The following DENND1A variants were observed in gnomAD, a reference collection of about 807,000 sequenced individuals.
DENND1A encodes DENN domain-containing protein 1A.
DENND1A carries 51 observed loss-of-function variants against 113.7 expected under a neutral mutation model. The ratio of observed to expected loss-of-function variants is 0.45; its 90% CI spans 0.36 to 0.57. The LOEUF (loss-of-function observed/expected upper bound fraction) is 0.57, where lower values mean the gene tolerates loss of function less well. Among genes scored for constraint, DENND1A ranks in the 20% least tolerant of loss-of-function variants. The pLI, the probability that DENND1A is intolerant of heterozygous loss-of-function variation, is 0.00. For synonymous variants in DENND1A, 565 were observed against 570.8 expected (o/e 0.99, Z 0.14); for missense variants, 1,258 against 1,395.9 (o/e 0.90, Z 1.57).
rs555235859 is a variant in DENND1A at position 123,447,683 on chromosome 9, G to A, written c.1356+3010C>T. On this transcript the variant is annotated intron_variant, in intron 18 of 23. Coordinates refer to ENST00000394215, the MANE Select transcript of DENND1A (RefSeq NM_001352964.2). ...TTGGATCTTTGTTGGAAACTGCCTCGATTTCATGGCAGAAACCAAACTTGA... is the reference window on the plus strand; with the variant it reads ...TTGGATCTTTGTTGGAAACTGCCTCAATTTCATGGCAGAAACCAAACTTGA... Among the ~76,000 whole-genome samples the A allele has an allele frequency of 9.2e-5, 14 of 151,910 alleles. No homozygotes were observed. The East Asian group carries it at 2.7e-3, about 29-fold the overall frequency.
intron 10 of DENND1A, among the ~76,000 whole-genome samples, chr9:123,615,694 T>C (rs2060619233): frequency 6.6e-6 from 1 of 152,210 alleles, no homozygotes; most frequent in Admixed American, 6.5e-5. Context: ...TAGGGGCTTT[T>C]GTCCGGGTTA....
chr9:123,844,126 A>G (rs1170633726), intron 2 of DENND1A, among the ~76,000 whole-genome samples: 1 of 152,206 alleles, frequency 6.6e-6, no homozygotes, highest in Non-Finnish European at 1.5e-5. Context: ...AATTATGCCA[A>G]AAGACTAAAT....
At chr9:123,828,638 C>A (rs1839735984) in intron 2 of DENND1A, among the ~76,000 whole-genome samples, 3 of 130,966 alleles carry the variant, frequency 2.3e-5, no homozygotes. Flanking sequence ...TTAAAAGTAG[C>A]CAAAAAAAAA....
chr9:123,547,721 T>C (rs762877776), intron 13 of DENND1A, among the ~76,000 whole-genome samples: 14 of 152,212 alleles, frequency 9.2e-5, no homozygotes, highest in Non-Finnish European at 1.8e-4. Context: ...ATAAAAGCCA[T>C]ACTTTCACAA....
At chr9:123,927,992 TTC>T (rs1304074133) in intron 1 of DENND1A, among the ~76,000 whole-genome samples, 1 of 152,272 alleles carries the variant, frequency 6.6e-6, no homozygotes, top group Non-Finnish European at 1.5e-5. Context: ...TCTCTTCATA[TTC>T]TCTTTCGGTT....
At chr9:123,669,013 AATC>A (rs1349913213) in intron 7 of DENND1A, among the ~76,000 whole-genome samples, 1 of 152,212 alleles carries the variant, frequency 6.6e-6, no homozygotes, top group African/African-American at 2.4e-5. Flanking sequence ...TATAAATGGG[AATC>A]ATATTATCTA....
At chr9:123,507,685 TAAA>T (rs552077971) in intron 13 of DENND1A, among the ~76,000 whole-genome samples, 3 of 136,828 alleles carry the variant, frequency 2.2e-5, no homozygotes, top group Non-Finnish European at 3.2e-5. Context: ...CCTCATCTCT[TAAA>T]AAAAAAAAAA....
At chr9:123,657,354 C>T (rs1401458979) in intron 8 of DENND1A, among the ~76,000 whole-genome samples, 4 of 149,530 alleles carry the variant, frequency 2.7e-5, no homozygotes, top group African/African-American at 9.9e-5. Flanking sequence ...GGACTTGAGG[C>T]TCACTGTGAT....
intron 5 of DENND1A, among the ~76,000 whole-genome samples, chr9:123,707,650 TA>T (rs1187157273): frequency 6.6e-6 from 1 of 152,168 alleles, no homozygotes; most frequent in East Asian, 1.9e-4. Flanking sequence ...TGGTCACTGA[TA>T]ACCATGACAA....
At chr9:123,722,768 T>C (rs1426089753) in intron 5 of DENND1A, among the ~76,000 whole-genome samples, 1 of 152,200 alleles carries the variant, frequency 6.6e-6, no homozygotes. Flanking sequence ...AGAGTATGTA[T>C]GGAAATACCT....
Position 123,764,301 on chromosome 9 carries a change from C to T in DENND1A, c.182+5213G>A, listed in dbSNP as rs1175563729. Among the ~76,000 whole-genome samples, 3 of 152,244 alleles carry T rather than the reference C, an allele frequency of 2.0e-5. No homozygotes were observed. Among genetic ancestry groups the T allele is most frequent in the Admixed American group, 6.5e-5 (1 of 15,304 alleles). On this transcript the variant is annotated intron_variant, in intron 4 of 23. Coordinates refer to ENST00000394215, the MANE Select transcript of DENND1A (RefSeq NM_001352964.2). The surrounding 1 kb of genome is among the most constrained non-coding windows in gnomAD (Gnocchi z 4.1). Reference sequence around the variant, plus strand: ...AAGAGATAGAACTGAAGCATTTTGTCCCCCTCTATGTATTATAGCTTACCG... The same window carrying T: ...AAGAGATAGAACTGAAGCATTTTGTTCCCCTCTATGTATTATAGCTTACCG...
chr9:123,624,382 C>T (rs188132454), intron 10 of DENND1A, among the ~76,000 whole-genome samples: 1 of 152,256 alleles, frequency 6.6e-6, no homozygotes, highest in East Asian at 1.9e-4. Flanking sequence ...AGTATCTGAC[C>T]AAAGCAGTGG....
At chr9:123,928,010 A>G (rs1857391378) in intron 1 of DENND1A, among the ~76,000 whole-genome samples, 1 of 152,256 alleles carries the variant, frequency 6.6e-6, no homozygotes, top group South Asian at 2.1e-4. Flanking sequence ...CGGTTTCACC[A>G]CAAGCTAACA....
intron 13 of DENND1A, among the ~76,000 whole-genome samples, chr9:123,482,387 C>A (rs566797019): frequency 1.3e-5 from 2 of 152,188 alleles, no homozygotes; most frequent in Admixed American, 1.3e-4. Flanking sequence ...CGTGAACCAC[C>A]GCACCCGGCC....
intron 2 of DENND1A, among the ~76,000 whole-genome samples, chr9:123,806,254 T>C (rs1835543165): frequency 6.8e-6 from 1 of 146,312 alleles, no homozygotes; most frequent in African/African-American, 2.6e-5. Context: ...GCCAACATAC[T>C]GTTTGTTTGT....
At chr9:123,441,754 TAACTC>T (rs2046949332) in intron 18 of DENND1A, among the ~76,000 whole-genome samples, 1 of 152,208 alleles carries the variant, frequency 6.6e-6, no homozygotes, top group South Asian at 2.1e-4. Flanking sequence ...CAAATAAAAA[TAACTC>T]AGCCAGAATT....
At chr9:123,425,545 G>T (rs1047431873) in intron 19 of DENND1A, among the ~76,000 whole-genome samples, 4 of 152,232 alleles carry the variant, frequency 2.6e-5, no homozygotes, top group African/African-American at 9.6e-5. Context: ...CACAAGGAGT[G>T]AGTGGACCTG....
At chr9:123,686,710 C>G (rs960214699) in intron 5 of DENND1A, among the ~76,000 whole-genome samples, 2 of 152,200 alleles carry the variant, frequency 1.3e-5, no homozygotes, top group African/African-American at 4.8e-5. Context: ...CCCAGTGCCT[C>G]TGCTATACCC....
At chr9:123,811,736 G>A (rs1836647669) in intron 2 of DENND1A, among the ~76,000 whole-genome samples, 1 of 152,210 alleles carries the variant, frequency 6.6e-6, no homozygotes, top group South Asian at 2.1e-4. Flanking sequence ...TCCAGCCAGG[G>A]CGACAGAGCA....
Sources: allele counts gnomAD v4.1 joint callset (sites outside exome capture counted in the v4.1 genomes callset), GRCh38; gene constraint gnomAD v4.1.1; non-coding constraint Gnocchi (gnomAD v3.1); transcripts MANE v1.5; gene names NCBI Gene and HGNC (gene_info 2026-07-23, HGNC 2026-07-21).